The following LRRTM4 variants were observed in gnomAD, a reference collection of about 807,000 sequenced individuals.
LRRTM4 encodes the protein leucine-rich repeat transmembrane neuronal protein 4.
LRRTM4 carries 25 observed loss-of-function variants against 47.6 expected under a neutral mutation model. The ratio of observed to expected loss-of-function variants is 0.53; its 90% CI spans 0.38 to 0.73. The LOEUF (loss-of-function observed/expected upper bound fraction) is 0.73, where lower values mean the gene tolerates loss of function less well. LRRTM4 is among the 30% of genes least tolerant of loss of function. LRRTM4 has a pLI of 0.00. For missense variants in LRRTM4, 638 were observed against 713.4 expected (o/e 0.89, Z 1.20); for synonymous variants, 311 against 269.5 (o/e 1.15, Z -1.51).
intron 3 of LRRTM4, among the ~76,000 whole-genome samples, chr2:77,048,400 T>C (rs890530131): frequency 6.6e-6 from 1 of 152,054 alleles, no homozygotes; most frequent in African/African-American, 2.4e-5. Flanking sequence ...TGAACTGCCA[T>C]CATAGATCAA....
At chr2:77,326,361 A>C (rs950303918) in intron 3 of LRRTM4, among the ~76,000 whole-genome samples, 11 of 152,142 alleles carry the variant, frequency 7.2e-5, no homozygotes. Context: ...AAGGAAAATA[A>C]ATCTTTCTTC....
intron 3 of LRRTM4, among the ~76,000 whole-genome samples, chr2:76,854,028 T>C (rs2103982630): frequency 6.6e-6 from 1 of 152,308 alleles, no homozygotes; most frequent in South Asian, 2.1e-4. Context: ...TCATTTATCA[T>C]GGTCTCTTCC....
chr2:77,162,619 A>C (rs1672762945), intron 3 of LRRTM4, among the ~76,000 whole-genome samples: 1 of 152,148 alleles, frequency 6.6e-6, no homozygotes, highest in Admixed American at 6.5e-5. Flanking sequence ...CTCTGAGATG[A>C]AGCTTCCAGA....
At chr2:77,087,114 A>C (rs1305764553) in intron 3 of LRRTM4, among the ~76,000 whole-genome samples, 1 of 152,344 alleles carries the variant, frequency 6.6e-6, no homozygotes, top group African/African-American at 2.4e-5. Context: ...CTTATGAAGC[A>C]AGAAGCTTGT....
chr2:77,501,522 A>G (rs1174226194), intron 3 of LRRTM4, among the ~76,000 whole-genome samples: 2 of 151,066 alleles, frequency 1.3e-5, no homozygotes, highest in Non-Finnish European at 3.0e-5. Flanking sequence ...TTCAAATAAA[A>G]AGCATGAGAC....
chr2:77,183,167 A>G (rs1396210048), intron 3 of LRRTM4, among the ~76,000 whole-genome samples: 1 of 152,120 alleles, frequency 6.6e-6, no homozygotes, highest in Admixed American at 6.6e-5. Context: ...ATGGGAGAAA[A>G]TTTTTGCAAT....
chr2:76,796,798 G>T (rs1011091139), intron 3 of LRRTM4, among the ~76,000 whole-genome samples: 1 of 151,798 alleles, frequency 6.6e-6, no homozygotes, highest in South Asian at 2.1e-4. Context: ...TCAACAGAAC[G>T]AATGACTTTG....
At chr2:77,134,843 T>C (rs574148629) in intron 3 of LRRTM4, among the ~76,000 whole-genome samples, 2 of 152,272 alleles carry the variant, frequency 1.3e-5, no homozygotes, top group South Asian at 2.1e-4. Context: ...TAAAAAGACA[T>C]AAATAAATCT....
chr2:76,779,585 C>G (rs1282590238), intron 3 of LRRTM4, among the ~76,000 whole-genome samples: 1 of 149,150 alleles, frequency 6.7e-6, no homozygotes, highest in East Asian at 2.0e-4. Flanking sequence ...GATTGCAACC[C>G]CTGCCTTTTT....
chr2:76,946,616 GATA>G (rs1365250408), intron 3 of LRRTM4, among the ~76,000 whole-genome samples: 1 of 151,678 alleles, frequency 6.6e-6, no homozygotes, highest in Admixed American at 6.6e-5. Flanking sequence ...TTAAAATCAG[GATA>G]ATAATTTCTG....
At chr2:76,898,625 G>T (rs946927509) in intron 3 of LRRTM4, among the ~76,000 whole-genome samples, 1 of 147,378 alleles carries the variant, frequency 6.8e-6, no homozygotes, top group African/African-American at 2.5e-5. Context: ...TTTAATTAAT[G>T]TCCTCTATTC....
intron 3 of LRRTM4, among the ~76,000 whole-genome samples, chr2:76,879,148 G>C (rs1441891858): frequency 1.3e-5 from 2 of 152,168 alleles, no homozygotes; most frequent in Non-Finnish European, 2.9e-5. Context: ...ATAAGATCTA[G>C]CTAAGATCAT....
intron 3 of LRRTM4, among the ~76,000 whole-genome samples, chr2:77,128,291 A>G (rs912665120): frequency 2.6e-5 from 4 of 152,186 alleles, no homozygotes; most frequent in African/African-American, 9.6e-5. Flanking sequence ...ATGTCATTTT[A>G]AAGCAGTTGG....
chr2:76,841,983 A>G (rs1251942476), intron 3 of LRRTM4, among the ~76,000 whole-genome samples: 2 of 152,172 alleles, frequency 1.3e-5, no homozygotes, highest in African/African-American at 2.4e-5. Flanking sequence ...AATTTCATGT[A>G]TCACTAGACT....
intron 3 of LRRTM4, among the ~76,000 whole-genome samples, chr2:77,253,623 T>G (rs542133066): frequency 6.6e-6 from 1 of 152,240 alleles, no homozygotes; most frequent in East Asian, 1.9e-4. Flanking sequence ...AATGAGAAGA[T>G]GTCAACGTGA....
chr2:77,460,657 A>T (rs756455646), intron 3 of LRRTM4, among the ~76,000 whole-genome samples: 3 of 152,196 alleles, frequency 2.0e-5, no homozygotes, highest in South Asian at 2.1e-4. Flanking sequence ...GAAATGGTGC[A>T]TTCTCTTAGA....
rs112098309 is a variant in LRRTM4, at chr2:77,002,773, A to T, written c.1552-253857T>A. 7.7e-3 allele frequency among the ~76,000 whole-genome samples: 1,174 copies of T among 152,266 alleles called. 16 individuals carry two copies. Among genetic ancestry groups the T allele is most frequent in the African/African-American group, 0.027 (1,128 of 41,554 alleles). ...TTTCTCATCATTTAGGTCTCTGCTT[A>T]AAAAGTCTCTTTTTAAGAGATGCTT... On this transcript the variant is annotated intron_variant, in intron 3 of 3. Transcript: ENST00000409884.
chr2:77,136,423 G>T (rs964081896), intron 3 of LRRTM4, among the ~76,000 whole-genome samples: 14 of 152,184 alleles, frequency 9.2e-5, no homozygotes, highest in Non-Finnish European at 1.5e-4. Flanking sequence ...GGTCATGACT[G>T]TTAGAAGGAA....
At chr2:76,964,680 TA>T (rs1172250930) in intron 3 of LRRTM4, among the ~76,000 whole-genome samples, 14 of 149,244 alleles carry the variant, frequency 9.4e-5, no homozygotes, top group African/African-American at 3.2e-4. Context: ...TTTAGGAAAT[TA>T]AAAAAATAAA....
Sources: allele counts gnomAD v4.1 joint callset (sites outside exome capture counted in the v4.1 genomes callset), GRCh38; gene constraint gnomAD v4.1.1; transcripts MANE v1.5; gene names NCBI Gene and HGNC (gene_info 2026-07-23, HGNC 2026-07-21).